The following PTPRA variants were observed in gnomAD, a reference collection of about 807,000 sequenced individuals.
PTPRA encodes protein tyrosine phosphatase receptor type A.
PTPRA carries 25 observed loss-of-function variants against 104.8 expected under a neutral mutation model. The observed-to-expected ratio is 0.24, with a 90% CI of 0.17 to 0.33. The LOEUF (loss-of-function observed/expected upper bound fraction) is 0.33, where lower values mean the gene tolerates loss of function less well. Among genes scored for constraint, PTPRA ranks in the 10% least tolerant of loss-of-function variants. PTPRA has a pLI of 1.00. For synonymous variants in PTPRA, 323 were observed against 368.9 expected (o/e 0.88, Z 1.43); for missense variants, 765 against 1,015.3 (o/e 0.75, Z 3.35).
At chr20:2,913,016 G>C (rs749999193) in intron 1 of PTPRA, among the ~76,000 whole-genome samples, 3 of 152,092 alleles carry the variant, frequency 2.0e-5, no homozygotes, top group Non-Finnish European at 4.4e-5. Flanking sequence ...TAGTTACAGA[G>C]TCTTTTCGCT....
At chr20:2,948,758 T>A (rs1983715) in intron 3 of PTPRA, among the ~76,000 whole-genome samples, 1 of 151,796 alleles carries the variant, frequency 6.6e-6, no homozygotes, top group Non-Finnish European at 1.5e-5. Context: ...AAGACCATCC[T>A]GGCTAACACA....
chr20:2,954,077 CTTTTTTT>C (rs35144002), intron 3 of PTPRA, among the ~76,000 whole-genome samples: 2 of 102,612 alleles, frequency 1.9e-5, no homozygotes, highest in African/African-American at 3.9e-5. Context: ...ACCCGGCTAA[CTTTTTTT>C]TTTTTTTTTT....
At position 3,035,994 on chromosome 20, in the gene PTPRA, A is replaced by G; in HGVS notation, c.2198+53A>G. ...AGAGAGAAAGCGAGGAGGGGCAGATAGGGGAAGCTGATGACCATGGGTCAG... is the reference window on the plus strand; with the variant it reads ...AGAGAGAAAGCGAGGAGGGGCAGATGGGGGAAGCTGATGACCATGGGTCAG... On this transcript the variant is annotated intron_variant, in intron 22 of 23. Transcript: ENST00000399903. This position sits in a 1 kb window ranked among gnomAD's most constrained non-coding sequence, Gnocchi z 5.8. 6.2e-7 allele frequency: 1 copy of G among 1,609,940 alleles called. No homozygotes were observed. Among genetic ancestry groups the G allele is most frequent in the Non-Finnish European group, 8.5e-7 (1 of 1,178,482 alleles).
chr20:2,969,447 A>G (rs563604751), intron 5 of PTPRA, among the ~76,000 whole-genome samples: 1 of 151,642 alleles, frequency 6.6e-6, no homozygotes, highest in South Asian at 2.1e-4. Flanking sequence ...AGGTTTCACC[A>G]TGTTGGCCAT....
At chr20:2,866,066 A>G in the PTPRA span, 6 of 706,574 alleles carry the variant, frequency 8.5e-6, no homozygotes, top group East Asian at 1.1e-4. Flanking sequence ...CTGTCTGTGC[A>G]TGGGGGTTGG....
rs1390268285 is a variant in PTPRA, at chr20:2,986,655, T to C, written c.443-110T>C. The C allele has an allele frequency of 3.3e-6, 3 of 916,056 alleles. No individual in the cohort carries two copies. The African/African-American group carries it at 4.9e-5, about 15-fold the overall frequency. 56.7% of individuals were successfully genotyped at this position (916,056 alleles called of 1,614,324 possible). Reference sequence around the variant, plus strand: ...TTCTCTGTTTCCATTTCCTGGCATCTGCAGAAGGACTGAATGAGCTCTTCC... The same window carrying C: ...TTCTCTGTTTCCATTTCCTGGCATCCGCAGAAGGACTGAATGAGCTCTTCC... On this transcript the variant is annotated intron_variant, in intron 6 of 23. Coordinates refer to ENST00000399903, the MANE Select transcript of PTPRA (RefSeq NM_001385305.1).
intron 2 of PTPRA, among the ~76,000 whole-genome samples, chr20:2,935,583 T>C (rs2060666440): frequency 6.6e-6 from 1 of 152,360 alleles, no homozygotes; most frequent in Admixed American, 6.5e-5. Context: ...TTTAATTTTG[T>C]TTGTTTAGAG....
intron 1 of PTPRA, among the ~76,000 whole-genome samples, chr20:2,917,553 A>G (rs1276439184): frequency 1.3e-5 from 2 of 152,210 alleles, no homozygotes; most frequent in African/African-American, 2.4e-5. Context: ...TGCCACTGGT[A>G]GTTTTCCCTC....
At chr20:2,887,843 G>A (rs908634747) in intron 1 of PTPRA, among the ~76,000 whole-genome samples, 6 of 152,164 alleles carry the variant, frequency 3.9e-5, no homozygotes, top group African/African-American at 9.7e-5. Flanking sequence ...AAGCTTTTAC[G>A]GGGATACTTC....
At chr20:2,880,775 T>A (rs1409441265) in intron 1 of PTPRA, among the ~76,000 whole-genome samples, 1 of 152,098 alleles carries the variant, frequency 6.6e-6, no homozygotes, top group African/African-American at 2.4e-5. Flanking sequence ...AATCCCACTG[T>A]TTTGGGAGCC....
At chr20:2,984,013 G>T (rs1286634488) in intron 6 of PTPRA, among the ~76,000 whole-genome samples, 1 of 151,690 alleles carries the variant, frequency 6.6e-6, no homozygotes. Context: ...AAACTGAGAT[G>T]GGCAGACGAG....
chr20:2,921,321 GC>G (rs2060088397), intron 1 of PTPRA, among the ~76,000 whole-genome samples: 1 of 121,128 alleles, frequency 8.3e-6, no homozygotes, highest in South Asian at 2.8e-4. Context: ...CTGGGAATGC[GC>G]TTTTTTTTTT....
intron 1 of PTPRA, among the ~76,000 whole-genome samples, chr20:2,890,632 A>T (rs1201559232): frequency 2.6e-5 from 4 of 152,126 alleles, no homozygotes; most frequent in Admixed American, 2.0e-4. Flanking sequence ...TTAACAGGGG[A>T]GAGTGTGTAA....
chr20:2,975,153 A>G (rs1333655192), intron 5 of PTPRA, 62 bp from the exon 6 acceptor site: 1 of 1,410,094 alleles, frequency 7.1e-7, no homozygotes, highest in Non-Finnish European at 9.9e-7. Context: ...TTGTACTCTA[A>G]TTGAATTGTA....
chr20:2,911,907 G>C (rs2147240896), intron 1 of PTPRA, among the ~76,000 whole-genome samples: 1 of 152,192 alleles, frequency 6.6e-6, no homozygotes, highest in Middle Eastern at 3.4e-3. Flanking sequence ...TCAAACTAAA[G>C]ATAGATGGTT....
At chr20:2,867,767 A>G in the PTPRA span, among the ~76,000 whole-genome samples, 1 of 152,164 alleles carries the variant, frequency 6.6e-6, no homozygotes, top group African/African-American at 2.4e-5. Flanking sequence ...GCCTCTCCCT[A>G]TTTAACACCC....
rs148554590 is a variant in PTPRA at position 3,007,268 on chromosome 20, CA to C, written c.830-74del. The C allele has an allele frequency of 1.1e-3, 1,545 of 1,415,470 alleles. 15 individuals carry two copies. In the African/African-American group the frequency reaches 0.019, roughly 17 times the overall value. The allele number at this position is 1,415,470 out of a possible 1,614,324, so 87.7% of individuals were successfully genotyped here. The stretch of plus-strand genomic sequence containing the variant: ...TCTGTGCACATAGGCACAGATGTCT[CA>C]ACTGTCCTGGTTGCGTCAGGTTCTG... On this transcript the variant is annotated intron_variant, in intron 10 of 23. Coordinates refer to ENST00000399903, the MANE Select transcript of PTPRA (RefSeq NM_001385305.1).
rs1391753450 is a variant in PTPRA at position 2,993,803 on chromosome 20, A to C, written c.738+5329A>C. On this transcript the variant is annotated intron_variant, in intron 9 of 23. Transcript: ENST00000399903. ...CTAGGGAATCTGTGTGTCTTTGGGC[A>C]TTACCTAATGGCCAATGTTATTGAA... Among the ~76,000 whole-genome samples the C allele has an allele frequency of 3.3e-5, 5 of 152,348 alleles. No homozygotes were observed. The South Asian group carries it at 6.2e-4, about 19-fold the overall frequency.
At chr20:2,870,619 TTTGTTGC>T (rs1555798619), upstream of PTPRA, among the ~76,000 whole-genome samples, 3 of 152,228 alleles carry the variant, frequency 2.0e-5, no homozygotes, top group Admixed American at 6.5e-5. Flanking sequence ...TCAATAAGTA[TTTGTTGC>T]GAGAATGACT....
Sources: allele counts gnomAD v4.1 joint callset (sites outside exome capture counted in the v4.1 genomes callset), GRCh38; gene constraint gnomAD v4.1.1; non-coding constraint Gnocchi (gnomAD v3.1); transcripts MANE v1.5; gene names NCBI Gene and HGNC (gene_info 2026-07-23, HGNC 2026-07-21).